Variants in EHMT1 observed in about 807,000 individuals in gnomAD.
The protein encoded by EHMT1 is euchromatic histone lysine methyltransferase 1, also known as histone-lysine N-methyltransferase EHMT1.
A neutral mutation model predicts 147.2 loss-of-function variants in EHMT1; 15 were observed. The ratio of observed to expected loss-of-function variants is 0.10; its 90% CI spans 0.07 to 0.16. EHMT1 has a LOEUF of 0.16. Among genes scored for constraint, EHMT1 ranks in the 10% least tolerant of loss-of-function variants. The pLI, the probability that EHMT1 is intolerant of heterozygous loss-of-function variation, is 1.00. For synonymous variants in EHMT1, 795 were observed against 709.6 expected (o/e 1.12, Z -1.91); for missense variants, 1,587 against 1,772.4 (o/e 0.90, Z 1.88).
chr9:137,624,747 C>T (rs1843149483), intron 1 of EHMT1, among the ~76,000 whole-genome samples: 1 of 152,018 alleles, frequency 6.6e-6, no homozygotes, highest in South Asian at 2.1e-4. Flanking sequence ...CAGGCGTGAG[C>T]CACTGTTCCC....
intron 2 of EHMT1, among the ~76,000 whole-genome samples, chr9:137,711,586 G>A (rs1046314947): frequency 2.0e-5 from 3 of 152,224 alleles, no homozygotes; most frequent in African/African-American, 4.8e-5. Flanking sequence ...CCAGGAGGTG[G>A]AGGGAGTGGT....
intron 1 of EHMT1, among the ~76,000 whole-genome samples, chr9:137,680,056 CTTGTA>C (rs1941790733): frequency 6.6e-6 from 1 of 152,002 alleles, no homozygotes; most frequent in Non-Finnish European, 1.5e-5. Flanking sequence ...GTATCTGTAT[CTTGTA>C]TTGTATTCCC....
intron 10 of EHMT1, among the ~76,000 whole-genome samples, chr9:137,765,873 G>A (rs1440198437): frequency 6.6e-6 from 1 of 151,928 alleles, no homozygotes; most frequent in Non-Finnish European, 1.5e-5. Flanking sequence ...TGTGTCTGTT[G>A]AACAACCCAG....
intron 1 of EHMT1, among the ~76,000 whole-genome samples, chr9:137,710,428 G>A (rs1366468782): frequency 8.5e-5 from 13 of 152,282 alleles, no homozygotes; most frequent in South Asian, 2.1e-4. Context: ...AGCCGAGATC[G>A]CGCCACTGTA....
At chr9:137,761,335 C>G (rs1374104859) in intron 9 of EHMT1, among the ~76,000 whole-genome samples, 5 of 152,216 alleles carry the variant, frequency 3.3e-5, no homozygotes, top group African/African-American at 4.8e-5. Flanking sequence ...CCTTTGTTTT[C>G]AAATCAAGCA....
At chr9:137,821,855 A>G (rs1955447590) in intron 25 of EHMT1, among the ~76,000 whole-genome samples, 1 of 152,068 alleles carries the variant, frequency 6.6e-6, no homozygotes, top group Non-Finnish European at 1.5e-5. Context: ...GTAATATTTT[A>G]TGGTTTTCTG....
intron 4 of EHMT1, among the ~76,000 whole-genome samples, chr9:137,733,120 C>T (rs1044796710): frequency 1.3e-5 from 2 of 152,160 alleles, no homozygotes; most frequent in African/African-American, 2.4e-5. Context: ...CTGTTCTGCA[C>T]CCTCCACCCT....
intron 1 of EHMT1, among the ~76,000 whole-genome samples, chr9:137,669,323 C>CG (rs1940138272): frequency 7.0e-6 from 1 of 142,474 alleles, no homozygotes; most frequent in African/African-American, 2.7e-5. Context: ...GGAAAGACGC[C>CG]CCCACAGCAC....
At position 137,728,363 on chromosome 9, in the gene EHMT1, A is replaced by G. The variant is rs1206338120; in HGVS notation, c.657A>G (p.Lys219=). The G allele has an allele frequency of 1.2e-6, 2 of 1,614,250 alleles. No homozygotes were observed. The highest frequency in any genetic ancestry group is 1.7e-5 in the Admixed American group (1 of 60,030). The part of the protein sequence containing the change: ...KSVVGLHAAS[K]DPREVREARD... ...TTGTTTTGAAGCATGCAGCCAGTAA[A>G]GATCCCAGAGAAGTTCGAGAAGCTA... The change falls in exon 4 of 27, where the codon AAA becomes AAG. Residue 219 remains lysine (K), a synonymous_variant. Coordinates refer to ENST00000460843, the MANE Select transcript of EHMT1 (RefSeq NM_024757.5).
At chr9:137,783,014 G>A (rs541384291) in intron 15 of EHMT1, among the ~76,000 whole-genome samples, 30 of 152,240 alleles carry the variant, frequency 2.0e-4, no homozygotes, top group Non-Finnish European at 3.8e-4. Flanking sequence ...GTCTGGTGCA[G>A]TCTGACTTCT....
At chr9:137,793,772 G>A (rs1952699233) in intron 16 of EHMT1, among the ~76,000 whole-genome samples, 1 of 152,202 alleles carries the variant, frequency 6.6e-6, no homozygotes, top group East Asian at 1.9e-4. Context: ...TTCTGCTGAG[G>A]GAAAGAAGCC....
chr9:137,728,359 G>C lies in EHMT1; in HGVS notation c.653G>C (p.Ser218Thr). Residue 218 changes from serine to threonine, a missense_variant, in exon 4 of 27, where the codon AGT (serine) becomes ACT (threonine). Ser to Thr is a moderately conservative substitution (Grantham distance 58). Transcript: ENST00000460843. ...GTCTTTGTTTTGAAGCATGCAGCCA[G>C]TAAAGATCCCAGAGAAGTTCGAGAA... ...PKSVVGLHAA[S>T]KDPREVREAR... is the part of the protein sequence containing the mutation. 1 of 1,614,214 alleles carries C rather than the reference G, an allele frequency of 6.2e-7. No individual in the cohort carries two copies. The highest frequency in any genetic ancestry group is 8.5e-7 in the Non-Finnish European group (1 of 1,180,038).
rs574498002 is a variant in EHMT1 at position 137,757,825 on chromosome 9, G to A, written c.1370-55G>A. 150 of 1,610,446 alleles carry A rather than the reference G, an allele frequency of 9.3e-5. No individual in the cohort carries two copies. The East Asian group carries it at 3.3e-3, about 36-fold the overall frequency. The stretch of plus-strand genomic sequence containing the variant: ...CAGCCTTGCTGCCCTGTGCGTCTGG[G>A]TGGGTGCGGCCGCCTGGGTGCGTGG... On this transcript the variant is annotated intron_variant, in intron 8 of 26. Transcript: ENST00000460843.
chr9:137,646,366 T>A, intron 1 of EHMT1: 1 of 985,536 alleles, frequency 1.0e-6, no homozygotes, highest in Non-Finnish European at 1.2e-6. Context: ...ATTTCAAGTT[T>A]GTGCTGCGGG....
chr9:137,711,960 C>A (rs900921654), intron 2 of EHMT1, among the ~76,000 whole-genome samples: 3 of 152,174 alleles, frequency 2.0e-5, no homozygotes, highest in African/African-American at 7.2e-5. Context: ...CTCCTTTCAC[C>A]CTAGATGGCC....
At chr9:137,622,508 C>T (rs1004174284) in intron 1 of EHMT1, among the ~76,000 whole-genome samples, 5 of 152,266 alleles carry the variant, frequency 3.3e-5, no homozygotes, top group Admixed American at 3.3e-4. Context: ...TTTGTATTGT[C>T]ATGTCTTTAT....
chr9:137,830,248 A>C (rs1468385653), intron 25 of EHMT1, among the ~76,000 whole-genome samples: 1 of 152,102 alleles, frequency 6.6e-6, no homozygotes. Flanking sequence ...GTACCATGTG[A>C]CACCCAGGCC....
intron 1 of EHMT1, among the ~76,000 whole-genome samples, chr9:137,635,593 G>A (rs936089137): frequency 1.3e-5 from 2 of 151,532 alleles, no homozygotes; most frequent in African/African-American, 4.8e-5. Flanking sequence ...GGCCGAGGTG[G>A]GTGGATCACG....
chr9:137,802,509 G>A (rs1953579928), intron 18 of EHMT1: 1 of 398,550 alleles, frequency 2.5e-6, no homozygotes, highest in Admixed American at 4.4e-5. Context: ...ATTTCTAAAA[G>A]CACACTATTA....
Sources: gnomAD v4.1 joint callset for allele counts (sites outside exome capture counted in the v4.1 genomes callset) on GRCh38, gnomAD v4.1.1 for gene constraint, MANE v1.5 for transcripts, NCBI Gene and HGNC (gene_info 2026-07-23, HGNC 2026-07-21) for gene names.